Variants in DVL2 observed in about 807,000 individuals in gnomAD.
The protein encoded by DVL2 is segment polarity protein dishevelled homolog DVL-2.
A neutral mutation model predicts 69.8 loss-of-function variants in DVL2; 38 were observed. The ratio of observed to expected loss-of-function variants is 0.54; its 90% CI spans 0.42 to 0.71. The LOEUF is 0.71. Among genes scored for constraint, DVL2 ranks in the 30% least tolerant of loss-of-function variants. DVL2 has a pLI of 0.00. For synonymous variants in DVL2, 428 were observed against 392.4 expected, an observed-to-expected ratio of 1.09 and a Z score of -1.07; for missense variants, 931 against 1,008.1, an observed-to-expected ratio of 0.92 and a Z score of 1.04.
Position 7,225,703 on chromosome 17 carries a change from G to A in DVL2, c.*162C>T. 2 of 656,932 alleles carry A rather than the reference G, an allele frequency of 3.0e-6. No individual in the cohort carries two copies. Among genetic ancestry groups the A allele is most frequent in the Admixed American group, 2.6e-5 (1 of 37,790 alleles). The allele number at this position is 656,932 out of a possible 1,614,324, so 40.7% of individuals were successfully genotyped here. ...GTCCCTTGTCTACCCCTGAGGGAAGGGGGAGGAACCAGGCACTGCTGGTGA... is the reference window on the plus strand; with the variant it reads ...GTCCCTTGTCTACCCCTGAGGGAAGAGGGAGGAACCAGGCACTGCTGGTGA... On this transcript the variant is annotated 3_prime_UTR_variant, in exon 15 of 15. Transcript: ENST00000005340.
rs1256620464 is a variant in DVL2, at chr17:7,225,825, C to T, written c.*40G>A. 2.5e-6 allele frequency: 4 copies of T among 1,571,978 alleles called. No individual in the cohort carries two copies. The highest frequency in any genetic ancestry group is 2.6e-6 in the Non-Finnish European group (3 of 1,143,736). On this transcript the variant is annotated 3_prime_UTR_variant, in exon 15 of 15. Transcript: ENST00000005340. The stretch of plus-strand genomic sequence containing the variant: ...ACATGACGGCCAGGACACCCAGTCA[C>T]ACACCAGGAGCGCCCGGCCCAGCCT...
chr17:7,234,302 A>C lies in DVL2; in HGVS notation c.-40T>G. 1 of 1,589,242 alleles carries C rather than the reference A, an allele frequency of 6.3e-7. No homozygotes were observed. The highest frequency in any genetic ancestry group is 8.6e-7 in the Non-Finnish European group (1 of 1,167,574). On this transcript the variant is annotated 5_prime_UTR_variant, in exon 1 of 15. Transcript: ENST00000005340. ...GCTCCCGGGCTCCACCGCCCACCCA[A>C]AGGGCTAATGGCCCCTGCCGCGCCT...
intron 1 of DVL2, among the ~76,000 whole-genome samples, chr17:7,233,105 A>AAAAAAAAAAAAAAAAAAAAAAC: frequency 1.3e-5 from 2 of 150,522 alleles, no homozygotes; most frequent in Non-Finnish European, 3.0e-5. Flanking sequence ...AAAAAAAAAA[A>AAAAAAAAAAAAAAAAAAAAAAC]AAGCAGAGGT....
intron 10 of DVL2, 23 bp downstream of exon 10, chr17:7,227,954 G>T (rs375577751): frequency 2.3e-5 from 36 of 1,575,708 alleles, no homozygotes; most frequent in South Asian, 3.6e-5. Flanking sequence ...CCAACTTCAG[G>T]CCCCTCCCTG....
rs369787119 is a variant in DVL2 at position 7,229,056 on chromosome 17, C to T, written c.958-11G>A. The T allele has an allele frequency of 7.4e-6, 12 of 1,614,002 alleles. No individual in the cohort carries two copies. Among genetic ancestry groups the T allele is most frequent in the East Asian group, 4.5e-5 (2 of 44,890 alleles). ...GTTCATGTCATTCACCTGGAAGCGA[C>T]GGCAAGTGGGTCAGAGACACGGTGG... On this transcript the variant is annotated splice_polypyrimidine_tract_variant and intron_variant, in intron 8 of 14. Transcript: ENST00000005340. This position sits in a 1 kb window ranked among gnomAD's most constrained non-coding sequence, Gnocchi z 4.4.
At chr17:7,233,896 T>C (rs755201796) in intron 1 of DVL2, 173 bp downstream of exon 1, 1 of 719,346 alleles carries the variant, frequency 1.4e-6, no homozygotes, top group South Asian at 1.7e-5. Context: ...CCTCAATCTA[T>C]CCAAGCATAA....
chr17:7,229,884 TCTCGTATCCGGCCAGGTGGCG>T lies in DVL2; in HGVS notation c.559_579del (p.Arg187_Glu193del). 6.2e-7 allele frequency: 1 copy of T among 1,610,940 alleles called. No homozygotes were observed. The highest frequency in any genetic ancestry group is 1.3e-5 in the African/African-American group (1 of 74,986). ...TCGCTGGTCATGAGGGTAGAGGAGC[TCTCGTATCCGGCCAGGTGGCG>T]CTCCAGCCTTGAGGGGCCACCAGTC... On this transcript the variant is annotated inframe_deletion, in exon 5 of 15. Transcript: ENST00000005340. This position sits in a 1 kb window ranked among gnomAD's most constrained non-coding sequence, Gnocchi z 4.4.
intron 1 of DVL2, among the ~76,000 whole-genome samples, chr17:7,232,348 T>C (rs960698035): frequency 2.0e-5 from 3 of 152,196 alleles, no homozygotes; most frequent in Non-Finnish European, 2.9e-5. Context: ...ACATAATCCA[T>C]TTGCTGTCAA....
At chr17:7,233,993 T>C (rs937508840) in intron 1 of DVL2, 76 bp downstream of exon 1, 6 of 1,510,542 alleles carry the variant, frequency 4.0e-6, no homozygotes, top group Admixed American at 1.7e-5. Flanking sequence ...TGGCCCAAAG[T>C]AGACGTGTGC....
intron 9 of DVL2, chr17:7,228,297 A>C: frequency 3.0e-6 from 1 of 331,326 alleles, no homozygotes; most frequent in East Asian, 5.0e-5. Context: ...AAAGTCCAAA[A>C]ACAGGTAAAA....
chr17:7,225,621 ACT>A lies in DVL2; in HGVS notation c.*242_*243del, dbSNP rs539636824. ...TAAAAAAGTCCCAAAAATGTAAGAAACTCTATTTTAACCCCCAAAAAGGCTTA... is the reference window on the plus strand; with the variant it reads ...TAAAAAAGTCCCAAAAATGTAAGAAACTATTTTAACCCCCAAAAAGGCTTA... On this transcript the variant is annotated 3_prime_UTR_variant, in exon 15 of 15. Coordinates refer to ENST00000005340, the MANE Select transcript of DVL2 (RefSeq NM_004422.3). 1.1e-4 allele frequency: 58 copies of A among 547,132 alleles called. No homozygotes were observed. Among genetic ancestry groups the A allele is most frequent in the African/African-American group, 7.9e-4 (41 of 51,866 alleles). The allele number at this position is 547,132 out of a possible 1,614,324, so 33.9% of individuals were successfully genotyped here.
Position 7,226,418 on chromosome 17 carries a change from TA to T in DVL2, c.1762+2del. 1 of 1,531,242 alleles carries T rather than the reference TA, an allele frequency of 6.5e-7. No individual in the cohort carries two copies. The highest frequency in any genetic ancestry group is 8.8e-7 in the Non-Finnish European group (1 of 1,140,052). The allele number at this position is 1,531,242 out of a possible 1,614,324, so 94.9% of individuals were successfully genotyped here. On this transcript the variant is annotated splice_donor_variant, in intron 14 of 14. Transcript: ENST00000005340. LOFTEE classifies it high-confidence loss of function. ...GCCGTACAGGTATGTGGGGATGACT[TA>T]CCCTCACTATGCTGGCTGCTGGCAC...
chr17:7,233,007 G>A (rs964904319), intron 1 of DVL2, among the ~76,000 whole-genome samples: 1 of 150,420 alleles, frequency 6.6e-6, no homozygotes, highest in African/African-American at 2.4e-5. Flanking sequence ...GGAGAATGGC[G>A]TGGACCCGGG....
intron 1 of DVL2, among the ~76,000 whole-genome samples, chr17:7,233,451 GTTTT>G (rs200029029): frequency 6.6e-6 from 1 of 151,562 alleles, no homozygotes; most frequent in African/African-American, 2.4e-5. Context: ...AGTGTTTTTT[GTTTT>G]TTTTCTGAGA....
chr17:7,230,985 T>C lies in DVL2; in HGVS notation c.195-188A>G, dbSNP rs115731991. Among the ~76,000 whole-genome samples, 1,500 of 152,240 alleles carry C rather than the reference T, an allele frequency of 9.9e-3. 32 individuals are homozygous for C. The highest frequency in any genetic ancestry group is 0.034 in the African/African-American group (1,425 of 41,542). On this transcript the variant is annotated intron_variant, in intron 1 of 14. Transcript: ENST00000005340. ...AATCTCCAAACTCAATCCCCTTTCC[T>C]TATTTCTCCTCTCCCTAACGCACCC...
rs1038560865 is a variant in DVL2 at position 7,229,723 on chromosome 17, C to T, written c.657-45G>A. 6.4e-7 allele frequency: 1 copy of T among 1,573,628 alleles called. No homozygotes were observed. Among genetic ancestry groups the T allele is most frequent in the Non-Finnish European group, 8.6e-7 (1 of 1,156,282 alleles). On this transcript the variant is annotated intron_variant, in intron 5 of 14. Coordinates refer to ENST00000005340, the MANE Select transcript of DVL2 (RefSeq NM_004422.3). This position sits in a 1 kb window ranked among gnomAD's most constrained non-coding sequence, Gnocchi z 4.4. Reference sequence around the variant, plus strand: ...GAGAGCAAACGTAGGCCAAAGTGGTCATGGGGCCAAGAGAAAGAACAAGAG... The same window carrying T: ...GAGAGCAAACGTAGGCCAAAGTGGTTATGGGGCCAAGAGAAAGAACAAGAG...
In DVL2 at chr17:7,226,461, G is replaced by A. The variant is rs373332227; in HGVS notation, c.1722C>T (p.Tyr574=). 1.3e-6 allele frequency: 2 copies of A among 1,557,604 alleles called. No homozygotes were observed. The highest frequency in any genetic ancestry group is 2.3e-5 in the East Asian group (1 of 44,370). The stretch of plus-strand genomic sequence containing the variant: ...TGCTGGCACTGCCCCCACCATAGGT[G>A]TAAGATGAAAGCTCATGGTAGGGTG... The part of the protein sequence containing the change: ...QPPPYHELSS[Y]TYGGGSASSQ... The change falls in exon 14 of 15, where the codon TAC becomes TAT. Residue 574 remains tyrosine (Y), a synonymous_variant. Transcript: ENST00000005340.
chr17:7,233,321 G>A (rs934492600), intron 1 of DVL2, among the ~76,000 whole-genome samples: 2 of 151,984 alleles, frequency 1.3e-5, no homozygotes, highest in African/African-American at 2.4e-5. Flanking sequence ...GGCTGCCTGT[G>A]CTAGCACAGG....
intron 1 of DVL2, among the ~76,000 whole-genome samples, chr17:7,231,431 C>A (rs2071541093): frequency 7.1e-6 from 1 of 141,284 alleles, no homozygotes. Flanking sequence ...CCACTGCATT[C>A]CAGCCTGGGC....
Sources: allele counts gnomAD v4.1 joint callset (sites outside exome capture counted in the v4.1 genomes callset), GRCh38; gene constraint gnomAD v4.1.1; non-coding constraint Gnocchi (gnomAD v3.1); transcripts MANE v1.5; gene names NCBI Gene and HGNC (gene_info 2026-07-23, HGNC 2026-07-21).